VAMP2: variants seen among roughly 807,000 people sequenced by gnomAD.
VAMP2 encodes the protein vesicle-associated membrane protein 2.
For missense variants in VAMP2, 95 were observed against 151.3 expected, an observed-to-expected ratio of 0.63 and a Z score of 1.95; for synonymous variants, 67 against 57.3, an observed-to-expected ratio of 1.17 and a Z score of -0.76.
At chr17:8,161,041 G>A in intron 4 of VAMP2, 170 bp from the exon 5 acceptor site, 1 of 595,020 alleles carries the variant, frequency 1.7e-6, no homozygotes, top group Non-Finnish European at 3.0e-6. Context: ...GGCTAGACAG[G>A]TAGGTTCTGA....
In VAMP2 at chr17:8,162,902, C is replaced by T. The variant is rs1264061721; in HGVS notation, c.-23G>A. 9.1e-6 allele frequency: 11 copies of T among 1,210,480 alleles called. No individual in the cohort carries two copies. The highest frequency in any genetic ancestry group is 3.2e-4 in the Middle Eastern group (1 of 3,100). The allele number at this position is 1,210,480 out of a possible 1,614,324, so 75.0% of individuals were successfully genotyped here. A position where few individuals can be genotyped will look rare whatever the true frequency, so the allele number is the denominator to read the frequency against. The stretch of plus-strand genomic sequence containing the variant: ...CATGGCGGGGGCAGCGGGTGGAGGA[C>T]TTGGCAGCGGCAGTGATGGCGGCGG... On this transcript the variant is annotated 5_prime_UTR_variant, in exon 1 of 5. Coordinates refer to ENST00000316509, the MANE Select transcript of VAMP2 (RefSeq NM_014232.3).
chr17:8,161,266 C>T (rs1983303118), intron 4 of VAMP2: 2 of 740,978 alleles, frequency 2.7e-6, no homozygotes, highest in East Asian at 5.4e-5. Context: ...TTCCTATTTC[C>T]AAATGTTAAC....
intron 1 of VAMP2, 36 bp from the exon 2 acceptor site, chr17:8,162,405 C>G: frequency 1.9e-6 from 3 of 1,607,582 alleles, no homozygotes; most frequent in Non-Finnish European, 2.5e-6. Flanking sequence ...CCAGGGCCTG[C>G]AGCCTCCCGG....
In VAMP2 at chr17:8,161,513, G is replaced by A. The variant is rs145487730; in HGVS notation, c.294C>T (p.Ile98=). 196 of 1,614,158 alleles carry A rather than the reference G, an allele frequency of 1.2e-4. 1 individual carries two copies. The African/African-American group carries it at 1.9e-3, about 16-fold the overall frequency. ...YWWKNLKMMI[I]LGVICAIILI... is the part of the protein sequence containing the mutation. ...GGATGATGGCGCAAATCACTCCCAAGATGATCATCATCTGGGGGTGAGAGG... is the reference window on the plus strand; with the variant it reads ...GGATGATGGCGCAAATCACTCCCAAAATGATCATCATCTGGGGGTGAGAGG... The change falls in exon 4 of 5, where the codon ATC becomes ATT. Residue 98 remains isoleucine (I), a synonymous_variant. Transcript: ENST00000316509.
chr17:8,162,574 C>T (rs1056453737), intron 1 of VAMP2: 3 of 1,456,820 alleles, frequency 2.1e-6, no homozygotes, highest in Non-Finnish European at 2.7e-6. Flanking sequence ...CTCAGTTTCC[C>T]CGCCTGTCAA....
intron 4 of VAMP2, chr17:8,161,097 TCCTCTGAG>T (rs1983298491): frequency 1.8e-6 from 1 of 561,178 alleles, no homozygotes; most frequent in Non-Finnish European, 3.1e-6. Context: ...CAGACCCTAA[TCCTCTGAG>T]CCTCTGAGAC....
In VAMP2 at chr17:8,159,695, CAGGA is replaced by C. The variant is rs1983233359; in HGVS notation, c.*1156_*1159del. 6.6e-6 allele frequency: 1 copy of C among 152,624 alleles called. No homozygotes were observed. The allele number at this position is 152,624 out of a possible 1,614,324, so 9.5% of individuals were successfully genotyped here. ...CAGGGGTGAGGCCAGAGATTTCAGG[CAGGA>C]ATTGGGGGGATTCTCTGCCCTGCCC... is the stretch of plus-strand genomic sequence containing the variant. On this transcript the variant is annotated 3_prime_UTR_variant, in exon 5 of 5. Transcript: ENST00000316509.
intron 4 of VAMP2, 91 bp from the exon 5 acceptor site, chr17:8,160,962 C>A: frequency 1.8e-6 from 2 of 1,137,566 alleles, no homozygotes; most frequent in Non-Finnish European, 2.6e-6. Flanking sequence ...GGCCCTGCTC[C>A]AATCCTCCCC....
In VAMP2 at chr17:8,162,919, TGGC is replaced by T. The variant is rs1234190944; in HGVS notation, c.-43_-41del. 2 of 1,207,036 alleles carry T rather than the reference TGGC, an allele frequency of 1.7e-6. No homozygotes were observed. Among genetic ancestry groups the T allele is most frequent in the Non-Finnish European group, 1.0e-6 (1 of 972,004 alleles). 74.8% of individuals were successfully genotyped at this position (1,207,036 alleles called of 1,614,324 possible). ...GTGGAGGACTTGGCAGCGGCAGTGA[TGGC>T]GGCGGCGGCTCGCGCTGGCTCCGAC... is the stretch of plus-strand genomic sequence containing the variant. On this transcript the variant is annotated 5_prime_UTR_variant, in exon 1 of 5. Coordinates refer to ENST00000316509, the MANE Select transcript of VAMP2 (RefSeq NM_014232.3).
In VAMP2 at chr17:8,161,697, C is replaced by T. The variant is rs1358654256; in HGVS notation, c.193G>A (p.Asp65Asn). The change falls in exon 3 of 5, where the codon GAC becomes AAC. Residue 65 changes from aspartate (D) to asparagine (N), a missense_variant. Physicochemically the swap from Asp to Asn is conservative, Grantham distance 23. Transcript: ENST00000316509. ...CCCGCCTGGAGTGCATCTGCACGGT[C>T]GTCCAGCTCCGACAGCTTCTGGTCT... ...ERDQKLSELD[D>N]RADALQAGAS... The T allele has an allele frequency of 5.6e-6, 9 of 1,614,078 alleles. No individual in the cohort carries two copies. The highest frequency in any genetic ancestry group is 3.3e-5 in the Admixed American group (2 of 60,008).
In VAMP2 at chr17:8,159,723, CCCA is replaced by C. The variant is rs1983233964; in HGVS notation, c.*1129_*1131del. ...GAATTGGGGGGATTCTCTGCCCTGC[CCCA>C]CTCCTCCCCAAGGCAGTGATGACCC... On this transcript the variant is annotated 3_prime_UTR_variant, in exon 5 of 5. Transcript: ENST00000316509. 1 of 152,602 alleles carries C rather than the reference CCCA, an allele frequency of 6.6e-6. No individual in the cohort carries two copies. The highest frequency in any genetic ancestry group is 1.5e-5 in the Non-Finnish European group (1 of 68,076). The allele number at this position is 152,602 out of a possible 1,614,324, so 9.5% of individuals were successfully genotyped here.
At position 8,160,636 on chromosome 17, in the gene VAMP2, C is replaced by T. The variant is rs993335987; in HGVS notation, c.*219G>A. 1.9e-5 allele frequency: 6 copies of T among 314,722 alleles called. No individual in the cohort carries two copies. The highest frequency in any genetic ancestry group is 3.4e-5 in the Non-Finnish European group (6 of 178,226). The allele number at this position is 314,722 out of a possible 1,614,324, so 19.5% of individuals were successfully genotyped here. On this transcript the variant is annotated 3_prime_UTR_variant, in exon 5 of 5. Coordinates refer to ENST00000316509, the MANE Select transcript of VAMP2 (RefSeq NM_014232.3). Reference sequence around the variant, plus strand: ...CTCAGGAAGGGGTGTTAAGGACAACCGGAAAAATCATCTAGTAATAAAACT... The same window carrying T: ...CTCAGGAAGGGGTGTTAAGGACAACTGGAAAAATCATCTAGTAATAAAACT...
Position 8,161,597 on chromosome 17 carries a change from C to G in VAMP2, c.282+11G>C. ...TCACCCACCTGTCCTCCTTCCTGTCCCCACCCTTACCTTGAGGTTTTTCCA... is the reference window on the plus strand; with the variant it reads ...TCACCCACCTGTCCTCCTTCCTGTCGCCACCCTTACCTTGAGGTTTTTCCA... On this transcript the variant is annotated intron_variant, in intron 3 of 4. Transcript: ENST00000316509. 6.2e-7 allele frequency: 1 copy of G among 1,614,040 alleles called. No individual in the cohort carries two copies. The highest frequency in any genetic ancestry group is 8.5e-7 in the Non-Finnish European group (1 of 1,179,902).
rs1396123929 is a variant in VAMP2 at position 8,162,936 on chromosome 17, G to A, written c.-57C>T. The A allele has an allele frequency of 2.5e-6, 3 of 1,202,766 alleles. No individual in the cohort carries two copies. Among genetic ancestry groups the A allele is most frequent in the South Asian group, 4.1e-5 (1 of 24,128 alleles). The allele number at this position is 1,202,766 out of a possible 1,614,324, so 74.5% of individuals were successfully genotyped here. A position where few individuals can be genotyped will look rare whatever the true frequency, so the allele number is the denominator to read the frequency against. On this transcript the variant is annotated 5_prime_UTR_variant, in exon 1 of 5. Transcript: ENST00000316509. ...GGCAGTGATGGCGGCGGCGGCTCGC[G>A]CTGGCTCCGACTGGCGCTGGCTGCC...
chr17:8,160,232 A>G lies in VAMP2; in HGVS notation c.*623T>C, dbSNP rs1598264497. ...GAGTGATGGAACAAAAAGAAATGGA[A>G]AGGGATAGCAGTATGTAATGATACG... On this transcript the variant is annotated 3_prime_UTR_variant, in exon 5 of 5. Coordinates refer to ENST00000316509, the MANE Select transcript of VAMP2 (RefSeq NM_014232.3). 1 of 152,504 alleles carries G rather than the reference A, an allele frequency of 6.6e-6. No homozygotes were observed. The highest frequency in any genetic ancestry group is 1.9e-4 in the East Asian group (1 of 5,184). The allele number at this position is 152,504 out of a possible 1,614,324, so 9.4% of individuals were successfully genotyped here.
rs1293299476 is a variant in VAMP2 at position 8,161,493 on chromosome 17, A to G, written c.314T>C (p.Ile105Thr). 2 of 1,614,070 alleles carry G rather than the reference A, an allele frequency of 1.2e-6. No individual in the cohort carries two copies. Among genetic ancestry groups the G allele is most frequent in the East Asian group, 2.2e-5 (1 of 44,898 alleles). Residue 105 changes from isoleucine (I) to threonine (T), a missense_variant, in exon 4 of 5, where the codon ATC becomes ACC. Ile to Thr is a moderately conservative substitution (Grantham distance 89). Transcript: ENST00000316509. ...MMIILGVICA[I>T]ILIIIIVYFS... ...CTCACCTATGATGATGATGAGGATG[A>G]TGGCGCAAATCACTCCCAAGATGAT...
At chr17:8,162,589 G>A in intron 1 of VAMP2, 2 of 1,444,532 alleles carry the variant, frequency 1.4e-6, no homozygotes, top group Non-Finnish European at 1.8e-6. Context: ...TGTCAACTGA[G>A]GGCGACCTCA....
Position 8,161,496 on chromosome 17 carries a change from G to A in VAMP2, c.311C>T (p.Ala104Val), listed in dbSNP as rs1598265312. The change falls in exon 4 of 5, where the codon GCC becomes GTC. Residue 104 changes from alanine (A) to valine (V), a missense_variant. By Grantham distance (64) the Ala-to-Val change is moderately conservative. Transcript: ENST00000316509. ...ACCTATGATGATGATGAGGATGATGGCGCAAATCACTCCCAAGATGATCAT... is the reference window on the plus strand; with the variant it reads ...ACCTATGATGATGATGAGGATGATGACGCAAATCACTCCCAAGATGATCAT... ...KMMIILGVIC[A>V]IILIIIIVYF... 2 of 1,614,132 alleles carry A rather than the reference G, an allele frequency of 1.2e-6. No homozygotes were observed. Among genetic ancestry groups the A allele is most frequent in the African/African-American group, 1.3e-5 (1 of 75,024 alleles).
In VAMP2 at chr17:8,160,395, T is replaced by TTTTTTTTTTTTG. The variant is rs1983269134; in HGVS notation, c.*459_*460insCAAAAAAAAAAA. On this transcript the variant is annotated 3_prime_UTR_variant, in exon 5 of 5. Coordinates refer to ENST00000316509, the MANE Select transcript of VAMP2 (RefSeq NM_014232.3). ...AGGTGCTGTTGTTTTTTTTTTTTTT[T>TTTTTTTTTTTTG]TTTTTTTTTTGAGGGCGGGGCAGAG... 1 of 131,658 alleles carries TTTTTTTTTTTTG rather than the reference T, an allele frequency of 7.6e-6. No individual in the cohort carries two copies. Among genetic ancestry groups the TTTTTTTTTTTTG allele is most frequent in the Non-Finnish European group, 1.6e-5 (1 of 61,222 alleles). 8.2% of individuals were successfully genotyped at this position (131,658 alleles called of 1,614,324 possible). A position where few individuals can be genotyped will look rare whatever the true frequency, so the allele number is the denominator to read the frequency against.
Sources: allele counts gnomAD v4.1 joint callset, GRCh38; gene constraint gnomAD v4.1.1; transcripts MANE v1.5; gene names NCBI Gene and HGNC (gene_info 2026-07-23, HGNC 2026-07-21).